The following SLC13A1 variants were observed in gnomAD, a reference collection of about 807,000 sequenced individuals.
SLC13A1 encodes the protein solute carrier family 13 member 1, also known as Na(+)/sulfate cotransporter.
Under a neutral mutation model 70.0 loss-of-function variants are expected in SLC13A1, and 65 were observed. The ratio of observed to expected loss-of-function variants is 0.93; its 90% CI spans 0.76 to 1.14. SLC13A1 has a LOEUF of 1.14. SLC13A1 is among the 50% of genes most tolerant of loss of function. SLC13A1 has a pLI of 0.00. For missense variants in SLC13A1, 726 were observed against 717.8 expected (o/e 1.01, Z -0.13); for synonymous variants, 275 against 250.5 (o/e 1.10, Z -0.92).
Position 123,181,080 on chromosome 7 carries a change from G to A in SLC13A1, c.121C>T (p.Leu41Phe). The A allele has an allele frequency of 6.2e-7, 1 of 1,612,558 alleles. No individual in the cohort carries two copies. The highest frequency in any genetic ancestry group is 8.5e-7 in the Non-Finnish European group (1 of 1,178,956). ...HTKEAECAYT[L>F]FVVATFWLTE... ...AGCCAAAATGTGGCGACCACAAAGA[G>A]TGTGTAGGCACATTCTGCTTCCTGG... Residue 41 changes from leucine (L) to phenylalanine (F), a missense_variant, in exon 2 of 15, where the codon CTC (leucine) becomes TTC (phenylalanine). Physicochemically the swap from Leu to Phe is conservative, Grantham distance 22. Coordinates refer to ENST00000194130, the MANE Select transcript of SLC13A1 (RefSeq NM_022444.4).
chr7:123,181,833 A>G (rs1033244498), intron 1 of SLC13A1, among the ~76,000 whole-genome samples: 2 of 152,238 alleles, frequency 1.3e-5, no homozygotes, highest in East Asian at 3.9e-4. Context: ...GCAGCTATCA[A>G]ATGGTGCTAT....
chr7:123,198,180 T>C (rs920001501), intron 1 of SLC13A1, among the ~76,000 whole-genome samples: 1 of 151,946 alleles, frequency 6.6e-6, no homozygotes, highest in African/African-American at 2.4e-5. Context: ...GTGTCTTAGA[T>C]GAAGTTCTTG....
intron 8 of SLC13A1, among the ~76,000 whole-genome samples, chr7:123,133,703 G>T (rs1793848585): frequency 6.6e-6 from 1 of 151,160 alleles, no homozygotes; most frequent in Non-Finnish European, 1.5e-5. Context: ...TATTTTTTGT[G>T]TTTTTTTTAG....
intron 6 of SLC13A1, among the ~76,000 whole-genome samples, chr7:123,150,469 C>G (rs1240125096): frequency 6.6e-6 from 1 of 152,110 alleles, no homozygotes; most frequent in Non-Finnish European, 1.5e-5. Context: ...TTTGAGCCAT[C>G]CTTACAGAAG....
intron 10 of SLC13A1, among the ~76,000 whole-genome samples, chr7:123,128,568 T>G (rs73217758): frequency 0.046 from 6,946 of 152,060 alleles, 219 homozygotes; most frequent in Non-Finnish European, 0.068. Flanking sequence ...TGGGAATAAT[T>G]TTGTAGGGAT....
At chr7:123,120,143 CTGT>C (rs1020717727) in intron 12 of SLC13A1, among the ~76,000 whole-genome samples, 7 of 151,994 alleles carry the variant, frequency 4.6e-5, no homozygotes, top group Non-Finnish European at 7.4e-5. Context: ...ATCTATTCAA[CTGT>C]TGTTGTTCTG....
intron 7 of SLC13A1, among the ~76,000 whole-genome samples, chr7:123,139,644 A>T (rs1248963450): frequency 6.6e-6 from 1 of 151,894 alleles, no homozygotes; most frequent in Non-Finnish European, 1.5e-5. Context: ...CATTAAGTTA[A>T]TTCTTAGGTA....
At chr7:123,184,124 AT>A (rs532976336) in intron 1 of SLC13A1, among the ~76,000 whole-genome samples, 87 of 152,014 alleles carry the variant, frequency 5.7e-4, no homozygotes, top group Middle Eastern at 3.4e-3. Flanking sequence ...TCTGAATGCT[AT>A]TTTTTTATCC....
chr7:123,139,494 G>T (rs1794060711), intron 7 of SLC13A1, among the ~76,000 whole-genome samples: 1 of 151,916 alleles, frequency 6.6e-6, no homozygotes, highest in African/African-American at 2.4e-5. Flanking sequence ...TGAATCTGTA[G>T]ATTGCTTTGA....
intron 6 of SLC13A1, among the ~76,000 whole-genome samples, chr7:123,163,109 G>T (rs1193664112): frequency 1.3e-5 from 2 of 151,982 alleles, no homozygotes; most frequent in Non-Finnish European, 2.9e-5. Flanking sequence ...TCCTTCTTTG[G>T]TATCTACAAA....
chr7:123,138,224 T>C (rs1365309744), intron 7 of SLC13A1, among the ~76,000 whole-genome samples: 2 of 152,226 alleles, frequency 1.3e-5, no homozygotes, highest in African/African-American at 4.8e-5. Context: ...CTTCCATTTA[T>C]GTTGTTGCAA....
Position 123,199,956 on chromosome 7 carries a change from C to A in SLC13A1, c.-10G>T, listed in dbSNP as rs1410678289. The A allele has an allele frequency of 3.8e-6, 6 of 1,592,002 alleles. No individual in the cohort carries two copies. Among genetic ancestry groups the A allele is most frequent in the South Asian group, 2.2e-5 (2 of 90,100 alleles). On this transcript the variant is annotated 5_prime_UTR_variant, in exon 1 of 15. Transcript: ENST00000194130. ...AACTGAAGAATTTCATTGTCCTGAG[C>A]AGGTGGCTTCAATAGTGTCCTCCAA...
At chr7:123,158,885 T>C (rs1794796116) in intron 6 of SLC13A1, among the ~76,000 whole-genome samples, 1 of 152,032 alleles carries the variant, frequency 6.6e-6, no homozygotes, top group African/African-American at 2.4e-5. Context: ...AAACAAAAAC[T>C]GTGAATTTAA....
At position 123,147,140 on chromosome 7, in the gene SLC13A1, A is replaced by G. The variant is rs542378805; in HGVS notation, c.812+19T>C. The G allele has an allele frequency of 3.7e-6, 6 of 1,607,050 alleles. No individual in the cohort carries two copies. The highest frequency in any genetic ancestry group is 5.1e-6 in the Non-Finnish European group (6 of 1,177,396). On this transcript the variant is annotated intron_variant, in intron 7 of 14. Coordinates refer to ENST00000194130, the MANE Select transcript of SLC13A1 (RefSeq NM_022444.4). Reference sequence around the variant, plus strand: ...GTGCTGCCCTTATGTTAAATCACCAATCCAATAAGGTTACTTACGTATTGA... The same window carrying G: ...GTGCTGCCCTTATGTTAAATCACCAGTCCAATAAGGTTACTTACGTATTGA...
Position 123,128,952 on chromosome 7 carries a change from G to C in SLC13A1, c.1032-6C>G. 1 of 1,589,226 alleles carries C rather than the reference G, an allele frequency of 6.3e-7. No individual in the cohort carries two copies. Among genetic ancestry groups the C allele is most frequent in the Non-Finnish European group, 8.6e-7 (1 of 1,158,132 alleles). ...AGGTCACAATTTCTTGATACCTGTG[G>C]AAAAATTCCAATGGCATCACTTCTT... On this transcript the variant is annotated splice_region_variant and splice_polypyrimidine_tract_variant and intron_variant, in intron 9 of 14. Transcript: ENST00000194130.
intron 8 of SLC13A1, among the ~76,000 whole-genome samples, chr7:123,132,189 C>T (rs1793787673): frequency 6.6e-6 from 1 of 152,148 alleles, no homozygotes; most frequent in Admixed American, 6.5e-5. Context: ...GCTGCTCCCA[C>T]AATCTGGATA....
At chr7:123,146,701 T>C (rs1377835687) in intron 7 of SLC13A1, among the ~76,000 whole-genome samples, 7 of 152,150 alleles carry the variant, frequency 4.6e-5, no homozygotes, top group Admixed American at 4.6e-4. Context: ...TGACACTTAT[T>C]ACAATTGTTC....
chr7:123,118,220 G>T (rs1311788631), intron 13 of SLC13A1, among the ~76,000 whole-genome samples: 1 of 151,948 alleles, frequency 6.6e-6, no homozygotes, highest in Non-Finnish European at 1.5e-5. Flanking sequence ...TTTGCTTAGG[G>T]TTCATCATAT....
At chr7:123,119,018 A>G in intron 13 of SLC13A1, 63 bp downstream of exon 13, 1 of 1,426,734 alleles carries the variant, frequency 7.0e-7, no homozygotes, top group South Asian at 1.3e-5. Flanking sequence ...CATGAAAACC[A>G]GCATTCCGAA....
Sources: allele counts gnomAD v4.1 joint callset (sites outside exome capture counted in the v4.1 genomes callset), GRCh38; gene constraint gnomAD v4.1.1; transcripts MANE v1.5; gene names NCBI Gene and HGNC (gene_info 2026-07-23, HGNC 2026-07-21).